Variants in CTNNA3 observed in about 807,000 individuals in gnomAD.
The protein encoded by CTNNA3 is catenin alpha 3.
Under a neutral mutation model 95.7 loss-of-function variants are expected in CTNNA3, and 76 were observed. The ratio of observed to expected loss-of-function variants is 0.79; its 90% CI spans 0.66 to 0.96. The LOEUF is 0.96. Among genes scored for constraint, CTNNA3 ranks in the 40% least tolerant of loss-of-function variants. The probability of loss-of-function intolerance (pLI) is 0.00; values close to 1 mark genes in which losing one functional copy is unlikely to be tolerated. For missense variants in CTNNA3, 1,191 were observed against 1,089.8 expected (o/e 1.09, Z -1.31); for synonymous variants, 431 against 374.4 (o/e 1.15, Z -1.74).
intron 10 of CTNNA3, among the ~76,000 whole-genome samples, chr10:66,620,330 C>A (rs1331944982): frequency 6.7e-6 from 1 of 148,372 alleles, no homozygotes; most frequent in East Asian, 2.0e-4. Flanking sequence ...TTTTAACAAA[C>A]CTAAGCAAAT....
intron 8 of CTNNA3, among the ~76,000 whole-genome samples, chr10:66,770,452 G>C (rs1233331671): frequency 6.6e-6 from 1 of 152,148 alleles, no homozygotes; most frequent in Non-Finnish European, 1.5e-5. Flanking sequence ...GAGGCCAATA[G>C]GAATTACAGA....
chr10:66,046,999 C>A (rs1195678960), intron 15 of CTNNA3, among the ~76,000 whole-genome samples: 3 of 152,018 alleles, frequency 2.0e-5, no homozygotes, highest in Non-Finnish European at 4.4e-5. Context: ...AGCCTACCAA[C>A]CAAAAAAAGC....
Position 67,504,873 on chromosome 10 carries a change from T to A in CTNNA3, c.579+16969A>T, listed in dbSNP as rs147531880. 1.9e-3 allele frequency among the ~76,000 whole-genome samples: 285 copies of A among 152,364 alleles called. 4 individuals carry two copies. The highest frequency in any genetic ancestry group is 0.015 in the Admixed American group (233 of 15,306). ...CTCTAAATTTAAAATAAAGTTCAGG[T>A]ACGCTTAATTTATTTGCTTCTGTTT... On this transcript the variant is annotated intron_variant, in intron 5 of 17. Coordinates refer to ENST00000433211, the MANE Select transcript of CTNNA3 (RefSeq NM_013266.4).
At position 67,204,658 on chromosome 10, in the gene CTNNA3, T is replaced by G. The variant is rs537295842; in HGVS notation, c.843+14949A>C. On this transcript the variant is annotated intron_variant, in intron 6 of 17. Transcript: ENST00000433211. Reference sequence around the variant, plus strand: ...CTGATTAATCAAACTGACATGACAGTCCGGAAACGACCCAATGGGTTCTTC... The same window carrying G: ...CTGATTAATCAAACTGACATGACAGGCCGGAAACGACCCAATGGGTTCTTC... Among the ~76,000 whole-genome samples, 4 of 152,264 alleles carry G rather than the reference T, an allele frequency of 2.6e-5. No homozygotes were observed. In the East Asian group the frequency reaches 7.7e-4, roughly 29 times the overall value.
chr10:66,122,332 G>C (rs1564669054), intron 13 of CTNNA3, among the ~76,000 whole-genome samples: 1 of 152,032 alleles, frequency 6.6e-6, no homozygotes, highest in Non-Finnish European at 1.5e-5. Context: ...ACTTAATAAA[G>C]AGCATCCAAG....
intron 10 of CTNNA3, among the ~76,000 whole-genome samples, chr10:66,530,689 A>C (rs952590043): frequency 6.6e-6 from 1 of 152,094 alleles, no homozygotes; most frequent in Non-Finnish European, 1.5e-5. Flanking sequence ...ACAATTAATG[A>C]AACTGCATTC....
chr10:66,010,429 G>A lies in CTNNA3; in HGVS notation c.2160-21632C>T, dbSNP rs185036035. Among the ~76,000 whole-genome samples, 67 of 152,146 alleles carry A rather than the reference G, an allele frequency of 4.4e-4. 1 individual carries two copies. Among genetic ancestry groups the A allele is most frequent in the Admixed American group, 2.9e-3 (45 of 15,266 alleles). ...TTTTTAGACCAACAAAAAACAAAAG[G>A]AGAAAGAGGAATTCAAATTGAAAAC... On this transcript the variant is annotated intron_variant, in intron 15 of 17. Transcript: ENST00000433211.
At chr10:66,263,512 A>G (rs374110233) in intron 13 of CTNNA3, among the ~76,000 whole-genome samples, 1 of 152,028 alleles carries the variant, frequency 6.6e-6, no homozygotes, top group East Asian at 1.9e-4. Flanking sequence ...TTGTCAGGGT[A>G]TCAGAGTATC....
chr10:66,274,774 G>A (rs1466694004), intron 13 of CTNNA3, among the ~76,000 whole-genome samples: 7 of 152,066 alleles, frequency 4.6e-5, no homozygotes, highest in African/African-American at 1.2e-4. Context: ...TTTCATAAAA[G>A]AGTCTGCTGA....
At chr10:66,388,630 A>G (rs2092911916) in intron 11 of CTNNA3, among the ~76,000 whole-genome samples, 1 of 152,212 alleles carries the variant, frequency 6.6e-6, no homozygotes, top group African/African-American at 2.4e-5. Flanking sequence ...GTAAGGTCAG[A>G]TATGGAAATA....
chr10:67,199,542 TG>T (rs1863541796), intron 6 of CTNNA3, among the ~76,000 whole-genome samples: 2 of 152,086 alleles, frequency 1.3e-5, no homozygotes, highest in Non-Finnish European at 2.9e-5. Flanking sequence ...GCTAATTTTT[TG>T]TATTTTTAGT....
At chr10:66,040,698 G>A (rs981868921) in intron 15 of CTNNA3, among the ~76,000 whole-genome samples, 11 of 152,006 alleles carry the variant, frequency 7.2e-5, no homozygotes, top group South Asian at 2.1e-4. Flanking sequence ...ACTTATAGAG[G>A]GGCACAACAG....
chr10:67,008,649 C>T (rs923020791), intron 7 of CTNNA3, among the ~76,000 whole-genome samples: 4 of 152,182 alleles, frequency 2.6e-5, no homozygotes, highest in African/African-American at 9.7e-5. Context: ...ATTCATTTGT[C>T]TGGCTCTTAC....
chr10:67,246,519 G>A (rs938801132), intron 5 of CTNNA3, among the ~76,000 whole-genome samples: 5 of 152,028 alleles, frequency 3.3e-5, no homozygotes, highest in African/African-American at 4.8e-5. Flanking sequence ...AGAGCCCTTG[G>A]GTTCCTTTAT....
intron 10 of CTNNA3, among the ~76,000 whole-genome samples, chr10:66,574,054 C>T (rs920283004): frequency 3.3e-5 from 5 of 152,020 alleles, no homozygotes; most frequent in Non-Finnish European, 5.9e-5. Context: ...CAATAATTTA[C>T]TCAAAAGGCT....
intron 12 of CTNNA3, among the ~76,000 whole-genome samples, chr10:66,367,875 A>ATTATTAT (rs1222940888): frequency 7.4e-5 from 1 of 13,444 alleles, no homozygotes; most frequent in Non-Finnish European, 1.4e-4. Flanking sequence ...AATAATAATA[A>ATTATTAT]TAATAATTAT....
At chr10:67,026,001 C>T (rs573187877) in intron 7 of CTNNA3, among the ~76,000 whole-genome samples, 17 of 149,960 alleles carry the variant, frequency 1.1e-4, no homozygotes, top group South Asian at 4.2e-4. Context: ...AGTAAACTAT[C>T]GCAAGGACAA....
At chr10:66,329,187 G>T (rs1266652544) in intron 12 of CTNNA3, among the ~76,000 whole-genome samples, 3 of 151,648 alleles carry the variant, frequency 2.0e-5, no homozygotes, top group Non-Finnish European at 4.4e-5. Context: ...CTGACCTCAG[G>T]TGATACACCC....
At chr10:66,746,783 C>G (rs1478341624) in intron 9 of CTNNA3, among the ~76,000 whole-genome samples, 2 of 152,134 alleles carry the variant, frequency 1.3e-5, no homozygotes, top group African/African-American at 4.8e-5. Flanking sequence ...ATTTTTCTCC[C>G]AATAAGAGTC....
Sources: allele counts gnomAD v4.1 joint callset (sites outside exome capture counted in the v4.1 genomes callset), GRCh38; gene constraint gnomAD v4.1.1; transcripts MANE v1.5; gene names NCBI Gene and HGNC (gene_info 2026-07-23, HGNC 2026-07-21).